Variants in PDE1A observed in about 807,000 individuals in gnomAD.
PDE1A encodes the protein dual specificity calcium/calmodulin-dependent 3',5'-cyclic nucleotide phosphodiesterase 1A.
A neutral mutation model predicts 61.7 loss-of-function variants in PDE1A; 35 were observed. That is an observed-to-expected ratio of 0.57 (90% CI 0.43 to 0.75). The LOEUF is 0.75. Among genes scored for constraint, PDE1A ranks in the 30% least tolerant of loss-of-function variants. The pLI is 0.00. For synonymous variants in PDE1A, 232 were observed against 213.2 expected (o/e 1.09, Z -0.77); for missense variants, 597 against 630.6 (o/e 0.95, Z 0.57).
chr2:182,172,664 A>C (rs549885141), intron 13 of PDE1A, among the ~76,000 whole-genome samples: 1 of 152,172 alleles, frequency 6.6e-6, no homozygotes, highest in South Asian at 2.1e-4. Flanking sequence ...AAGCAGTCTA[A>C]CTACACTACA....
intron 1 of PDE1A, among the ~76,000 whole-genome samples, chr2:182,295,854 A>C (rs1193271967): frequency 6.6e-6 from 1 of 152,160 alleles, no homozygotes; most frequent in Admixed American, 6.5e-5. Context: ...GATTCCTTAT[A>C]AGGAAAAGAA....
At chr2:182,389,842 A>G (rs1365103896) in intron 1 of PDE1A, among the ~76,000 whole-genome samples, 1 of 152,210 alleles carries the variant, frequency 6.6e-6, no homozygotes. Flanking sequence ...TGGAAAGAGC[A>G]GACTTGCTGA....
chr2:182,379,767 A>C (rs950761178), intron 1 of PDE1A, among the ~76,000 whole-genome samples: 2 of 152,150 alleles, frequency 1.3e-5, no homozygotes, highest in Admixed American at 6.5e-5. Context: ...TTTCAGGATC[A>C]TCTTGCTTAG....
At chr2:182,172,863 A>G (rs757682291) in intron 13 of PDE1A, among the ~76,000 whole-genome samples, 11 of 152,020 alleles carry the variant, frequency 7.2e-5, no homozygotes, top group Admixed American at 2.0e-4. Context: ...GCGTAGCTAG[A>G]CTTCGAGTTG....
the PDE1A span, among the ~76,000 whole-genome samples, chr2:182,557,209 G>T: frequency 1.1e-4 from 16 of 152,262 alleles, no homozygotes; most frequent in South Asian, 8.3e-4. Flanking sequence ...TTGCACCACT[G>T]CACTCCAGCC....
chr2:182,256,079 TTTTC>T (rs1208776143), intron 2 of PDE1A, among the ~76,000 whole-genome samples: 5 of 149,628 alleles, frequency 3.3e-5, no homozygotes, highest in Non-Finnish European at 4.4e-5. Flanking sequence ...TTTCTTTTAT[TTTTC>T]TTTCTTTTTT....
At chr2:182,176,072 A>G (rs1185907386) in intron 13 of PDE1A, among the ~76,000 whole-genome samples, 24 of 147,334 alleles carry the variant, frequency 1.6e-4, no homozygotes, top group African/African-American at 3.2e-4. Flanking sequence ...GTACCATGCT[A>G]TTTTGGTTAC....
chr2:182,199,295 C>T (rs891924983), intron 10 of PDE1A, among the ~76,000 whole-genome samples: 1 of 151,740 alleles, frequency 6.6e-6, no homozygotes, highest in African/African-American at 2.4e-5. Flanking sequence ...TATTGTTTGT[C>T]TTTGTTCTGT....
chr2:182,302,245 G>A (rs1695292397), intron 1 of PDE1A, among the ~76,000 whole-genome samples: 1 of 152,102 alleles, frequency 6.6e-6, no homozygotes, highest in Non-Finnish European at 1.5e-5. Flanking sequence ...AGCCTCTTCT[G>A]CCCTTGCACA....
chr2:182,257,922 CT>C (rs1319747261), intron 2 of PDE1A, among the ~76,000 whole-genome samples: 2 of 152,166 alleles, frequency 1.3e-5, no homozygotes, highest in African/African-American at 2.4e-5. Context: ...AATCCCAGCA[CT>C]TTGGGGGGCC....
the PDE1A span, among the ~76,000 whole-genome samples, chr2:182,622,266 T>C: frequency 6.6e-6 from 1 of 152,338 alleles, no homozygotes; most frequent in South Asian, 2.1e-4. Flanking sequence ...TTGTTTTTAA[T>C]GTCCATGTCC....
downstream of PDE1A, among the ~76,000 whole-genome samples, chr2:182,165,554 G>A (rs1439085015): frequency 6.7e-6 from 1 of 150,114 alleles, no homozygotes; most frequent in African/African-American, 2.5e-5. Flanking sequence ...ACCCTGTCCT[G>A]TGATGAAGGT....
In PDE1A at chr2:182,156,202, T is replaced by C. The variant is rs191881771; in HGVS notation, c.1517-9050A>G. 2.8e-3 allele frequency among the ~76,000 whole-genome samples: 425 copies of C among 152,182 alleles called. 2 individuals are homozygous for C. Among genetic ancestry groups the C allele is most frequent in the African/African-American group, 9.7e-3 (403 of 41,470 alleles). On this transcript the variant is annotated intron_variant, in intron 13 of 13. Transcript: ENST00000409365. ...GCAGGAAATAGCATAAGAGCATAAC[T>C]TAGTAAGGAGGAATAACTTAAGTTT...
intron 13 of PDE1A, among the ~76,000 whole-genome samples, chr2:182,170,646 C>T (rs574191755): frequency 2.6e-5 from 4 of 152,076 alleles, no homozygotes; most frequent in South Asian, 2.1e-4. Flanking sequence ...AGACTTACTT[C>T]GCTGCCTTAG....
chr2:182,618,351 T>G, the PDE1A span, among the ~76,000 whole-genome samples: 1 of 152,162 alleles, frequency 6.6e-6, no homozygotes, highest in Admixed American at 6.5e-5. Flanking sequence ...AGTGGATATT[T>G]TAATAAGATA....
At chr2:182,435,080 CT>C in intron 2 of PDE1A, among the ~76,000 whole-genome samples, 1 of 152,090 alleles carries the variant, frequency 6.6e-6, no homozygotes, top group Admixed American at 6.6e-5. Context: ...ACTCCCACCA[CT>C]TCTCACAGCC....
chr2:182,176,877 T>G lies in PDE1A; in HGVS notation c.1517-8587A>C, dbSNP rs1052844813. ...TACGTCCCATCAATACCTAATTTATTGAGAGTTTTTAGCATGAAGAGTTGT... is the reference window on the plus strand; with the variant it reads ...TACGTCCCATCAATACCTAATTTATGGAGAGTTTTTAGCATGAAGAGTTGT... On this transcript the variant is annotated intron_variant, in intron 13 of 13. Transcript: ENST00000351439. 7.2e-3 allele frequency among the ~76,000 whole-genome samples: 1,078 copies of G among 150,410 alleles called. 12 individuals carry two copies. The highest frequency in any genetic ancestry group is 0.024 in the African/African-American group (985 of 40,878).
At chr2:182,472,865 C>T (rs962847648) in intron 2 of PDE1A, among the ~76,000 whole-genome samples, 11 of 151,724 alleles carry the variant, frequency 7.3e-5, no homozygotes, top group Non-Finnish European at 1.0e-4. Context: ...CATTTAGAGC[C>T]GGAGAAGAAC....
At chr2:182,227,984 T>A (rs1689270270) in intron 6 of PDE1A, among the ~76,000 whole-genome samples, 1 of 152,134 alleles carries the variant, frequency 6.6e-6, no homozygotes, top group Non-Finnish European at 1.5e-5. Context: ...ACTCTTAGTA[T>A]TAGAGAGAAC....
Sources: gnomAD v4.1 joint callset for allele counts (sites outside exome capture counted in the v4.1 genomes callset) on GRCh38, gnomAD v4.1.1 for gene constraint, MANE v1.5 for transcripts, NCBI Gene and HGNC (gene_info 2026-07-23, HGNC 2026-07-21) for gene names.